ZNF148: variants seen among roughly 807,000 people sequenced by gnomAD.
The protein encoded by ZNF148 is zinc finger protein 148.
ZNF148 carries 7 observed loss-of-function variants against 67.7 expected under a neutral mutation model. That is an observed-to-expected ratio of 0.10 (90% confidence interval 0.06 to 0.19). ZNF148 has a LOEUF of 0.19. Ranked by LOEUF, ZNF148 falls within the 10% of genes least tolerant of loss-of-function variation. The pLI is 1.00. For synonymous variants in ZNF148, 333 were observed against 330.7 expected (o/e 1.01, Z -0.08); for missense variants, 583 against 947.1 (o/e 0.62, Z 5.05).
chr3:125,293,242 T>TA (rs1193930319), intron 4 of ZNF148, among the ~76,000 whole-genome samples: 2 of 152,174 alleles, frequency 1.3e-5, no homozygotes, highest in African/African-American at 4.8e-5. Context: ...CTAATCTAGA[T>TA]ACATCTTAAC....
intron 7 of ZNF148, among the ~76,000 whole-genome samples, chr3:125,236,024 C>T (rs1274657563): frequency 2.0e-5 from 3 of 150,998 alleles, no homozygotes; most frequent in Non-Finnish European, 4.4e-5. Context: ...GGGTGCAGCA[C>T]ACCAACATGG....
intron 4 of ZNF148, among the ~76,000 whole-genome samples, chr3:125,297,396 T>G (rs1437821327): frequency 6.6e-6 from 1 of 152,060 alleles, no homozygotes; most frequent in Admixed American, 6.6e-5. Context: ...AAAAATTTCT[T>G]AAGAAGGACA....
intron 1 of ZNF148, among the ~76,000 whole-genome samples, chr3:125,348,341 T>A (rs1942021322): frequency 6.6e-6 from 1 of 150,920 alleles, no homozygotes; most frequent in Admixed American, 6.6e-5. Flanking sequence ...AAAAGTCTAG[T>A]GTGGTGGCGC....
rs28375751 is a variant in ZNF148, at chr3:125,257,909, T to C, written c.667+19817A>G. ...GCCTCCTTCACCTTCCCTACCTTTA[T>C]AGTGTTCCTTCTAGTCAGTGACAAG... On this transcript the variant is annotated intron_variant, in intron 7 of 8. Transcript: ENST00000360647. 5.5e-3 allele frequency among the ~76,000 whole-genome samples: 840 copies of C among 152,284 alleles called. 7 individuals carry two copies. The highest frequency in any genetic ancestry group is 0.019 in the African/African-American group (794 of 41,552).
intron 4 of ZNF148, among the ~76,000 whole-genome samples, chr3:125,304,428 G>C (rs1251947587): frequency 6.6e-6 from 1 of 152,118 alleles, no homozygotes; most frequent in Non-Finnish European, 1.5e-5. Context: ...TCTGCTTGGT[G>C]CTAAGGTCTA....
chr3:125,344,761 G>T, intron 1 of ZNF148: 1 of 513,188 alleles, frequency 1.9e-6, no homozygotes, highest in South Asian at 1.7e-5. Context: ...GGTGAGGTAT[G>T]TCTCTGCACA....
chr3:125,304,575 T>C (rs1325052465), intron 4 of ZNF148, among the ~76,000 whole-genome samples: 3 of 152,138 alleles, frequency 2.0e-5, no homozygotes, highest in Non-Finnish European at 4.4e-5. Flanking sequence ...GTAAATATGC[T>C]GAGATAACAA....
chr3:125,360,413 G>A (rs960384668), intron 1 of ZNF148, among the ~76,000 whole-genome samples: 20 of 152,058 alleles, frequency 1.3e-4, no homozygotes, highest in African/African-American at 4.3e-4. Context: ...AGCCTCCTGA[G>A]TAACTGGAAC....
chr3:125,321,327 G>C (rs917490576), intron 3 of ZNF148, among the ~76,000 whole-genome samples: 3 of 152,120 alleles, frequency 2.0e-5, no homozygotes, highest in Admixed American at 2.0e-4. Context: ...TTCAATAGCT[G>C]CTAACACAAG....
chr3:125,270,231 G>A (rs1937658042), intron 7 of ZNF148, among the ~76,000 whole-genome samples: 2 of 151,930 alleles, frequency 1.3e-5, no homozygotes, highest in Non-Finnish European at 2.9e-5. Flanking sequence ...CTGAAGCTAG[G>A]CACAGTGGCT....
intron 1 of ZNF148, among the ~76,000 whole-genome samples, chr3:125,335,771 T>C (rs1941464564): frequency 6.6e-6 from 1 of 152,244 alleles, no homozygotes; most frequent in Non-Finnish European, 1.5e-5. Flanking sequence ...ATATTTCACA[T>C]TTCATGTAGA....
At chr3:125,236,473 A>G in intron 7 of ZNF148, among the ~76,000 whole-genome samples, 1 of 152,160 alleles carries the variant, frequency 6.6e-6, no homozygotes. Context: ...ATGGTTTCTT[A>G]GAAGTGTTGA....
At chr3:125,250,028 A>AT (rs1936771833) in intron 7 of ZNF148, among the ~76,000 whole-genome samples, 1 of 152,164 alleles carries the variant, frequency 6.6e-6, no homozygotes, top group Non-Finnish European at 1.5e-5. Flanking sequence ...GTAAGGGGGA[A>AT]TGGGAGGATT....
intron 7 of ZNF148, among the ~76,000 whole-genome samples, chr3:125,269,203 A>C: frequency 1.3e-5 from 1 of 77,986 alleles, no homozygotes; most frequent in African/African-American, 6.4e-5. Context: ...CCCGGTCTCT[A>C]CCAAAAAAAA....
chr3:125,318,294 G>C (rs1190069576), intron 3 of ZNF148, among the ~76,000 whole-genome samples: 1 of 152,080 alleles, frequency 6.6e-6, no homozygotes, highest in African/African-American at 2.4e-5. Flanking sequence ...CAAGTGTAAA[G>C]AAAGAAAACT....
intron 7 of ZNF148, among the ~76,000 whole-genome samples, chr3:125,242,980 C>T (rs1369160638): frequency 6.6e-6 from 1 of 152,202 alleles, no homozygotes; most frequent in Non-Finnish European, 1.5e-5. Flanking sequence ...GCATTCTTCT[C>T]GTTTGTCCTG....
intron 1 of ZNF148, among the ~76,000 whole-genome samples, chr3:125,360,951 G>A (rs544822149): frequency 8.6e-5 from 13 of 151,950 alleles, no homozygotes; most frequent in African/African-American, 2.9e-4. Flanking sequence ...AGAATTGCTT[G>A]AGCCCAGGAG....
intron 1 of ZNF148, among the ~76,000 whole-genome samples, chr3:125,367,628 CTCAT>C (rs577193105): frequency 9.2e-5 from 14 of 152,136 alleles, no homozygotes; most frequent in African/African-American, 2.2e-4. Context: ...TCTCAAATAT[CTCAT>C]TCATTCATTC....
chr3:125,362,855 A>T (rs1449518123), intron 1 of ZNF148, among the ~76,000 whole-genome samples: 1 of 152,154 alleles, frequency 6.6e-6, no homozygotes, highest in Non-Finnish European at 1.5e-5. Flanking sequence ...ATGCTTGGCC[A>T]GTCCTTACCC....
Sources: allele counts gnomAD v4.1 joint callset (sites outside exome capture counted in the v4.1 genomes callset), GRCh38; gene constraint gnomAD v4.1.1; transcripts MANE v1.5; gene names NCBI Gene and HGNC (gene_info 2026-07-23, HGNC 2026-07-21).